The following VWA3B variants were observed in gnomAD, a reference collection of about 807,000 sequenced individuals.
VWA3B encodes von Willebrand factor A domain containing 3B, also known as von Willebrand factor A domain-containing protein 3B.
VWA3B carries 138 observed loss-of-function variants against 158.3 expected under a neutral mutation model. The observed-to-expected ratio is 0.87, with a 90% confidence interval of 0.76 to 1.00. VWA3B has a LOEUF of 1.00. Among genes scored for constraint, VWA3B ranks in the 50% least tolerant of loss-of-function variants. The pLI, the probability that VWA3B is intolerant of heterozygous loss-of-function variation, is 0.00. For missense variants in VWA3B, 1,555 were observed against 1,565.1 expected (o/e 0.99, Z 0.11); for synonymous variants, 596 against 587.3 (o/e 1.01, Z -0.21).
chr2:98,155,678 C>T (rs1678005882), intron 7 of VWA3B, among the ~76,000 whole-genome samples: 1 of 152,154 alleles, frequency 6.6e-6, no homozygotes, highest in African/African-American at 2.4e-5. Context: ...GCCATTATAA[C>T]ATACATCTAA....
rs1448966722 is a variant in VWA3B at position 98,192,965 on chromosome 2, C to A, written c.1534C>A (p.Leu512Ile). The change falls in exon 11 of 28, where the codon CTC becomes ATC. Residue 512 changes from leucine (L) to isoleucine (I), a missense_variant. Leu to Ile is a conservative substitution (Grantham distance 5). Coordinates refer to ENST00000477737, the MANE Select transcript of VWA3B (RefSeq NM_144992.5). ...ATTGCATAATGATTGCATCTACATTCTCATTGACACGTCTCACTCAATGAA... is the reference window on the plus strand; with the variant it reads ...ATTGCATAATGATTGCATCTACATTATCATTGACACGTCTCACTCAATGAA... Reference protein sequence around the residue: ...GRLHNDCIYILIDTSHSMKSK... With the variant: ...GRLHNDCIYIIIDTSHSMKSK... The A allele has an allele frequency of 6.2e-7, 1 of 1,614,154 alleles. No individual in the cohort carries two copies. Among genetic ancestry groups the A allele is most frequent in the South Asian group, 1.1e-5 (1 of 91,086 alleles).
At chr2:98,149,488 T>C (rs1300696792) in intron 7 of VWA3B, among the ~76,000 whole-genome samples, 1 of 152,198 alleles carries the variant, frequency 6.6e-6, no homozygotes, top group Non-Finnish European at 1.5e-5. Context: ...GCAAATGAAG[T>C]AGTGGCCTGC....
At chr2:98,275,873 G>A (rs766690376) in intron 22 of VWA3B, among the ~76,000 whole-genome samples, 86 of 152,346 alleles carry the variant, frequency 5.6e-4, no homozygotes, top group Middle Eastern at 3.4e-3. Flanking sequence ...AGTGGAGGAA[G>A]TTAGTATAAG....
chr2:98,177,830 G>A (rs1431142555), intron 8 of VWA3B, among the ~76,000 whole-genome samples: 1 of 152,102 alleles, frequency 6.6e-6, no homozygotes, highest in Non-Finnish European at 1.5e-5. Flanking sequence ...AAGTTCTGTG[G>A]TACACTTGAA....
At chr2:98,115,143 C>G (rs1559544070) in intron 2 of VWA3B, among the ~76,000 whole-genome samples, 1 of 149,966 alleles carries the variant, frequency 6.7e-6, no homozygotes, top group East Asian at 2.0e-4. Flanking sequence ...TTACTCTGGA[C>G]CAAAGTACAA....
chr2:98,301,163 G>A (rs1033380549), intron 25 of VWA3B, among the ~76,000 whole-genome samples: 7 of 151,974 alleles, frequency 4.6e-5, no homozygotes, highest in East Asian at 3.9e-4. Context: ...GGTAGTGGGC[G>A]CCTGTAGTCC....
intron 15 of VWA3B, among the ~76,000 whole-genome samples, chr2:98,229,166 G>A (rs576169765): frequency 1.5e-3 from 222 of 152,250 alleles, no homozygotes; most frequent in African/African-American, 4.6e-3. Flanking sequence ...TTAAGTATTT[G>A]GGAAAGCACA....
At chr2:98,113,046 A>T (rs1674264675) in intron 2 of VWA3B, among the ~76,000 whole-genome samples, 1 of 151,212 alleles carries the variant, frequency 6.6e-6, no homozygotes, top group African/African-American at 2.4e-5. Flanking sequence ...TCCCTCCAAC[A>T]TTATATATAT....
downstream of VWA3B, among the ~76,000 whole-genome samples, chr2:98,315,952 G>A (rs984641411): frequency 2.0e-5 from 3 of 152,128 alleles, no homozygotes; most frequent in Non-Finnish European, 4.4e-5. Flanking sequence ...TGACAACAAA[G>A]AAACTAAAAT....
intron 22 of VWA3B, among the ~76,000 whole-genome samples, chr2:98,279,972 C>T (rs998991377): frequency 3.9e-5 from 6 of 152,318 alleles, no homozygotes; most frequent in African/African-American, 1.4e-4. Flanking sequence ...TTCATTTGCA[C>T]ACCAGTCTCG....
chr2:98,140,543 G>T (rs548024955), intron 7 of VWA3B, among the ~76,000 whole-genome samples: 2 of 152,198 alleles, frequency 1.3e-5, no homozygotes, highest in Non-Finnish European at 2.9e-5. Context: ...TTCCGTTAAG[G>T]AGGCAGCACC....
At chr2:98,215,663 T>G (rs1683924291) in intron 13 of VWA3B, among the ~76,000 whole-genome samples, 1 of 151,538 alleles carries the variant, frequency 6.6e-6, no homozygotes, top group Non-Finnish European at 1.5e-5. Flanking sequence ...GACTACAGGC[T>G]CACGCCGCCA....
chr2:98,304,152 G>A (rs759557466), intron 26 of VWA3B, among the ~76,000 whole-genome samples: 1 of 152,224 alleles, frequency 6.6e-6, no homozygotes, highest in Non-Finnish European at 1.5e-5. Flanking sequence ...TTGCTGGGAG[G>A]TGGGAGCAAG....
At chr2:98,153,495 G>A (rs932300248) in intron 7 of VWA3B, among the ~76,000 whole-genome samples, 10 of 152,152 alleles carry the variant, frequency 6.6e-5, no homozygotes, top group African/African-American at 2.2e-4. Flanking sequence ...TTTACATAAG[G>A]ACACATTCAG....
At chr2:98,169,935 A>C (rs543789538) in intron 8 of VWA3B, among the ~76,000 whole-genome samples, 13 of 152,162 alleles carry the variant, frequency 8.5e-5, no homozygotes, top group Admixed American at 1.3e-4. Flanking sequence ...CCTGGGCGAC[A>C]TGGCAAAACC....
chr2:98,159,250 T>G (rs556774216), intron 7 of VWA3B, among the ~76,000 whole-genome samples: 5 of 152,166 alleles, frequency 3.3e-5, no homozygotes, highest in Non-Finnish European at 5.9e-5. Context: ...TTTTGTTTTG[T>G]TTTGGTTTGG....
In VWA3B at chr2:98,135,428, C is replaced by T. The variant is rs539190831; in HGVS notation, c.988+1489C>T. ...TCGGCTCACTGCAAGCTCCGCCTCC[C>T]GGGTTCACGCCATTCTCCTGCCTCA... On this transcript the variant is annotated intron_variant, in intron 7 of 27. Transcript: ENST00000477737. Among the ~76,000 whole-genome samples the T allele has an allele frequency of 1.4e-3, 201 of 141,748 alleles. 3 individuals are homozygous for T. The highest frequency in any genetic ancestry group is 1.6e-3 in the Non-Finnish European group (105 of 65,584). The allele number at this position is 141,748 out of a possible 152,430, so 93.0% of individuals were successfully genotyped here. A position where few individuals can be genotyped will look rare whatever the true frequency, so the allele number is the denominator to read the frequency against.
chr2:98,140,132 C>T (rs897622395), intron 7 of VWA3B, among the ~76,000 whole-genome samples: 1 of 152,130 alleles, frequency 6.6e-6, no homozygotes, highest in African/African-American at 2.4e-5. Context: ...CACATCCGAA[C>T]ATCAGAAGGA....
intron 14 of VWA3B, among the ~76,000 whole-genome samples, chr2:98,219,500 G>A (rs1329480576): frequency 4.6e-5 from 7 of 151,946 alleles, no homozygotes; most frequent in Admixed American, 2.0e-4. Context: ...GGAAAAATCC[G>A]ATCAGTCTAA....
Sources: allele counts gnomAD v4.1 joint callset (sites outside exome capture counted in the v4.1 genomes callset), GRCh38; gene constraint gnomAD v4.1.1; transcripts MANE v1.5; gene names NCBI Gene and HGNC (gene_info 2026-07-23, HGNC 2026-07-21).